The following PPM1B variants were observed in gnomAD, a reference collection of about 807,000 sequenced individuals.
PPM1B encodes protein phosphatase, Mg2+/Mn2+ dependent 1B, also known as protein phosphatase 1B.
In PPM1B, 22 loss-of-function variants were observed where a neutral mutation model predicts 43.0. The ratio of observed to expected loss-of-function variants is 0.51; its 90% CI spans 0.37 to 0.73. The LOEUF (loss-of-function observed/expected upper bound fraction) is 0.73, where lower values mean the gene tolerates loss of function less well. Ranked by LOEUF, PPM1B falls within the 30% of genes least tolerant of loss-of-function variation. PPM1B has a pLI of 0.00. For synonymous variants in PPM1B, 217 were observed against 197.9 expected (o/e 1.10, Z -0.81); for missense variants, 632 against 584.2 (o/e 1.08, Z -0.84).
chr2:44,205,994 C>T lies in PPM1B; in HGVS notation c.847-3216C>T, dbSNP rs138422139. 5.6e-3 allele frequency among the ~76,000 whole-genome samples: 859 copies of T among 152,160 alleles called. 11 individuals are homozygous for T. The highest frequency in any genetic ancestry group is 0.019 in the African/African-American group (809 of 41,506). ...TCGCGCCATTGCACTCCAGCCTGGG[C>T]GACAGAGTGAGACTCCGTGTCAAAA... On this transcript the variant is annotated intron_variant, in intron 2 of 5. Transcript: ENST00000282412.
intron 2 of PPM1B, among the ~76,000 whole-genome samples, chr2:44,204,672 C>T (rs186322857): frequency 1.6e-4 from 25 of 151,926 alleles, no homozygotes; most frequent in African/African-American, 5.8e-4. Flanking sequence ...TCCTGGCTAA[C>T]GCAGTGAAAC....
chr2:44,222,934 G>T (rs892557957), intron 5 of PPM1B, among the ~76,000 whole-genome samples: 2 of 152,062 alleles, frequency 1.3e-5, no homozygotes, highest in African/African-American at 4.8e-5. Context: ...AGGCTCAAGC[G>T]ATCCTCCCAG....
At chr2:44,186,704 A>G (rs1668140958) in intron 1 of PPM1B, among the ~76,000 whole-genome samples, 1 of 152,262 alleles carries the variant, frequency 6.6e-6, no homozygotes, top group Admixed American at 6.5e-5. Flanking sequence ...TTATACAACT[A>G]TTTAATGATT....
At position 44,213,663 on chromosome 2, in the gene PPM1B, A is replaced by G. The variant is rs543844834; in HGVS notation, c.965-4304A>G. The G allele has an allele frequency of 2.0e-5, 3 of 152,150 alleles. No individual in the cohort carries two copies. The South Asian group carries it at 6.2e-4, about 32-fold the overall frequency. The allele number at this position is 152,150 out of a possible 1,614,324, so 9.4% of individuals were successfully genotyped here. A position where few individuals can be genotyped will look rare whatever the true frequency, so the allele number is the denominator to read the frequency against. On this transcript the variant is annotated intron_variant, in intron 3 of 5. Transcript: ENST00000282412. Reference sequence around the variant, plus strand: ...GCTTAAAGTTTTTTTTGCACCTACAATTTCCTCAGCCCTAAATTAATCTTG... The same window carrying G: ...GCTTAAAGTTTTTTTTGCACCTACAGTTTCCTCAGCCCTAAATTAATCTTG...
exon 6 of PPM1B, chr2:44,244,321 A>G (rs367666526): frequency 1.5e-6 from 2 of 1,361,602 alleles, no homozygotes; most frequent in African/African-American, 3.0e-5. Context: ...ACTCAGAAGC[A>G]CGCGGACAAA....
At chr2:44,195,384 T>G (rs1432987681) in intron 1 of PPM1B, among the ~76,000 whole-genome samples, 3 of 151,760 alleles carry the variant, frequency 2.0e-5, no homozygotes, top group Non-Finnish European at 4.4e-5. Context: ...TTTTCCCCAA[T>G]TTTTTTTGGT....
At chr2:44,187,448 C>A (rs1207964833) in intron 1 of PPM1B, among the ~76,000 whole-genome samples, 2 of 152,128 alleles carry the variant, frequency 1.3e-5, no homozygotes, top group Non-Finnish European at 2.9e-5. Context: ...AGTGGCATTG[C>A]TGGATCATAT....
At chr2:44,212,185 C>G (rs1182489932) in intron 3 of PPM1B, among the ~76,000 whole-genome samples, 1 of 152,158 alleles carries the variant, frequency 6.6e-6, no homozygotes, top group Non-Finnish European at 1.5e-5. Context: ...GCAATGAGAG[C>G]CTCTTAAAAC....
downstream of PPM1B, chr2:44,234,600 A>G (rs1194936733): frequency 4.1e-6 from 4 of 984,866 alleles, no homozygotes; most frequent in Non-Finnish European, 4.8e-6. Flanking sequence ...GAAATAATGT[A>G]TGAGTTAGTA....
chr2:44,244,820 G>C (rs6746938), downstream of PPM1B, among the ~76,000 whole-genome samples: 1 of 129,914 alleles, frequency 7.7e-6, no homozygotes, highest in Non-Finnish European at 1.6e-5. Flanking sequence ...AATTACTTGA[G>C]ATATATATAT....
At chr2:44,224,762 T>C (rs1246735777) in intron 5 of PPM1B, among the ~76,000 whole-genome samples, 1 of 152,192 alleles carries the variant, frequency 6.6e-6, no homozygotes, top group Non-Finnish European at 1.5e-5. Flanking sequence ...TTCAATTTAC[T>C]TTACAGAATA....
At position 44,179,489 on chromosome 2, in the gene PPM1B, T is replaced by G. The variant is rs571063536; in HGVS notation, c.-15+10215T>G. 1.2e-3 allele frequency among the ~76,000 whole-genome samples: 185 copies of G among 152,320 alleles called. 1 individual carries two copies. Among genetic ancestry groups the G allele is most frequent in the African/African-American group, 4.4e-3 (184 of 41,572 alleles). On this transcript the variant is annotated intron_variant, in intron 1 of 5. Transcript: ENST00000282412. ...GTGTTTGATATTGAGAGTCTCTCTC[T>G]CTCTCTTTTTTTTAATCTAAGGAGA...
rs951272083 is a variant in PPM1B at position 44,218,583 on chromosome 2, A to T, written c.1134+46A>T. The T allele has an allele frequency of 3.9e-6, 5 of 1,293,526 alleles. No individual in the cohort carries two copies. In the Admixed American group the frequency reaches 6.7e-5, roughly 17 times the overall value. The allele number at this position is 1,293,526 out of a possible 1,614,324, so 80.1% of individuals were successfully genotyped here. On this transcript the variant is annotated intron_variant, in intron 5 of 5. Coordinates refer to ENST00000282412, the MANE Select transcript of PPM1B (RefSeq NM_002706.6). ...TAAGCATTTGAAGTAATTTCACAAT[A>T]TAAATACTAAATATGAATACATTCA...
intron 1 of PPM1B, among the ~76,000 whole-genome samples, chr2:44,181,507 C>T (rs1287380362): frequency 6.6e-6 from 1 of 152,110 alleles, no homozygotes; most frequent in Non-Finnish European, 1.5e-5. Flanking sequence ...CAGGGAGATC[C>T]ACTAGGAAGA....
chr2:44,218,617 A>T lies in PPM1B; in HGVS notation c.1134+80A>T, dbSNP rs188552675. 3.1e-3 allele frequency: 3,065 copies of T among 974,028 alleles called. 11 individuals are homozygous for T. The highest frequency in any genetic ancestry group is 4.1e-3 in the Non-Finnish European group (2,654 of 645,600). 60.3% of individuals were successfully genotyped at this position (974,028 alleles called of 1,614,324 possible). On this transcript the variant is annotated intron_variant, in intron 5 of 5. Coordinates refer to ENST00000282412, the MANE Select transcript of PPM1B (RefSeq NM_002706.6). ...AAATATGAATACATTCACATTAACG[A>T]AGTCTATAATAAATTATAGTCTGTA...
In PPM1B at chr2:44,206,236, AT is replaced by A. The variant is rs1669182836; in HGVS notation, c.847-2973del. Among the ~76,000 whole-genome samples, 3 of 152,210 alleles carry A rather than the reference AT, an allele frequency of 2.0e-5. No homozygotes were observed. The South Asian group carries it at 6.2e-4, about 32-fold the overall frequency. Reference sequence around the variant, plus strand: ...ATCCAAACTGGATTTAGAAAAAAAAATGTTTTATTTATGGACTTAGTGAAAA... The same window carrying A: ...ATCCAAACTGGATTTAGAAAAAAAAAGTTTTATTTATGGACTTAGTGAAAA... On this transcript the variant is annotated intron_variant, in intron 2 of 5. Coordinates refer to ENST00000282412, the MANE Select transcript of PPM1B (RefSeq NM_002706.6).
downstream of PPM1B, among the ~76,000 whole-genome samples, chr2:44,238,119 T>C (rs1236154908): frequency 1.3e-5 from 2 of 152,010 alleles, no homozygotes; most frequent in Non-Finnish European, 2.9e-5. Flanking sequence ...GCCAGGCTAG[T>C]CTTGAACTCC....
chr2:44,215,566 A>C (rs1669681759), intron 3 of PPM1B, among the ~76,000 whole-genome samples: 1 of 152,176 alleles, frequency 6.6e-6, no homozygotes, highest in South Asian at 2.1e-4. Flanking sequence ...TTTTGTGGTA[A>C]ATACATTCTG....
downstream of PPM1B, among the ~76,000 whole-genome samples, chr2:44,239,410 A>G (rs2104292843): frequency 6.6e-6 from 1 of 152,048 alleles, no homozygotes; most frequent in East Asian, 1.9e-4. Flanking sequence ...TTGTTATGCG[A>G]GCTGCAAAAC....
Sources: gnomAD v4.1 joint callset for allele counts (sites outside exome capture counted in the v4.1 genomes callset) on GRCh38, gnomAD v4.1.1 for gene constraint, MANE v1.5 for transcripts, NCBI Gene and HGNC (gene_info 2026-07-23, HGNC 2026-07-21) for gene names.